Variants in PADI4 observed in about 807,000 individuals in gnomAD.
PADI4 encodes the protein peptidyl arginine deiminase 4.
Under a neutral mutation model 75.0 loss-of-function variants are expected in PADI4, and 62 were observed. The ratio of observed to expected loss-of-function variants is 0.83; its 90% CI spans 0.67 to 1.02. The LOEUF (loss-of-function observed/expected upper bound fraction) is 1.02. Among genes scored for constraint, PADI4 ranks in the 50% least tolerant of loss-of-function variants. The probability of loss-of-function intolerance (pLI) is 0.00; values close to 1 mark genes in which losing one functional copy is unlikely to be tolerated. For missense variants in PADI4, 845 were observed against 850.5 expected (o/e 0.99, Z 0.08); for synonymous variants, 361 against 348.1 (o/e 1.04, Z -0.41).
chr1:17,326,752 A>T (rs2100691141), intron 1 of PADI4, among the ~76,000 whole-genome samples: 1 of 152,302 alleles, frequency 6.6e-6, no homozygotes, highest in East Asian at 1.9e-4. Flanking sequence ...AACTTTGTTA[A>T]TTATGTTAGC....
chr1:17,344,577 G>A (rs1409192178), intron 8 of PADI4, among the ~76,000 whole-genome samples: 1 of 152,216 alleles, frequency 6.6e-6, no homozygotes, highest in East Asian at 1.9e-4. Flanking sequence ...GGGTCCCCAT[G>A]CTATGTGCAG....
chr1:17,318,624 T>G (rs2073980487), intron 1 of PADI4, among the ~76,000 whole-genome samples: 1 of 152,138 alleles, frequency 6.6e-6, no homozygotes. Flanking sequence ...GAATAAACAT[T>G]TTTATATTTT....
intron 4 of PADI4, 111 bp downstream of exon 4, chr1:17,336,337 T>TA (rs1390960654): frequency 8.4e-6 from 6 of 710,240 alleles, no homozygotes; most frequent in Non-Finnish European, 1.2e-5. Context: ...TGTTAACTGT[T>TA]AAAAAAAGAA....
chr1:17,348,813 C>G (rs891454914), intron 10 of PADI4: 2 of 152,218 alleles, frequency 1.3e-5, no homozygotes, highest in East Asian at 3.9e-4. Flanking sequence ...CGCCCTGCCT[C>G]CCTCTCCCTG....
chr1:17,331,813 G>T (rs1175649101), intron 2 of PADI4, among the ~76,000 whole-genome samples: 2 of 152,174 alleles, frequency 1.3e-5, no homozygotes, highest in East Asian at 1.9e-4. Flanking sequence ...AGCTACTCAG[G>T]AGGCTGAGGC....
chr1:17,349,660 G>A (rs2074584344), intron 10 of PADI4, among the ~76,000 whole-genome samples: 1 of 146,566 alleles, frequency 6.8e-6, no homozygotes, highest in Middle Eastern at 3.7e-3. Context: ...AGCCGAGATT[G>A]CACCACTGCA....
In PADI4 at chr1:17,356,438, C is replaced by G. The variant is rs1247200752; in HGVS notation, c.1537C>G (p.Leu513Val). ...EQQNEGHGEA[L>V]LFEGIKKKKQ... The stretch of plus-strand genomic sequence containing the variant: ...GCAGAATGAGGGCCACGGGGAGGCC[C>G]TGCTGTTCGAAGGGATCAAGAGTAA... Residue 513 changes from leucine (L) to valine (V), a missense_variant, in exon 13 of 16, where the codon CTG becomes GTG. Transcript: ENST00000375448. This position sits in a 1 kb window ranked among gnomAD's most constrained non-coding sequence, Gnocchi z 4.1. The G allele has an allele frequency of 6.2e-7, 1 of 1,611,042 alleles. No homozygotes were observed. Among genetic ancestry groups the G allele is most frequent in the South Asian group, 1.1e-5 (1 of 90,970 alleles).
rs563384038 is a variant in PADI4, at chr1:17,346,537, C to T, written c.1047+398C>T. On this transcript the variant is annotated intron_variant, in intron 9 of 15. Transcript: ENST00000375448. The surrounding 1 kb of genome is among the most constrained non-coding windows in gnomAD (Gnocchi z 4.3). The stretch of plus-strand genomic sequence containing the variant: ...CACTTTCCATGGCTCCCATCTCCTC[C>T]TGCTTAGTCTGTTTCCAGGCCCTCT... Among the ~76,000 whole-genome samples the T allele has an allele frequency of 6.6e-6, 1 of 152,326 alleles. No homozygotes were observed. The highest frequency in any genetic ancestry group is 2.1e-4 in the South Asian group (1 of 4,826).
At chr1:17,337,256 C>T (rs955530074) in intron 4 of PADI4, among the ~76,000 whole-genome samples, 1 of 152,206 alleles carries the variant, frequency 6.6e-6, no homozygotes, top group Non-Finnish European at 1.5e-5. Context: ...AGTGATTCTC[C>T]TACCTCAGCC....
At position 17,343,301 on chromosome 1, in the gene PADI4, G is replaced by A. The variant is rs553217241; in HGVS notation, c.935+899G>A. Among the ~76,000 whole-genome samples, 18 of 152,234 alleles carry A rather than the reference G, an allele frequency of 1.2e-4. 1 individual carries two copies. In the South Asian group the frequency reaches 3.3e-3, roughly 28 times the overall value. Reference sequence around the variant, plus strand: ...GCTGCTGGGTCTTATCCCTGAGGACGGGGCCCATCTGCATTTTGGGGAGGC... The same window carrying A: ...GCTGCTGGGTCTTATCCCTGAGGACAGGGCCCATCTGCATTTTGGGGAGGC... On this transcript the variant is annotated intron_variant, in intron 8 of 15. Transcript: ENST00000375448.
rs972071484 is a variant in PADI4, at chr1:17,310,816, A to G, written c.92+2502A>G. On this transcript the variant is annotated intron_variant, in intron 1 of 15. Coordinates refer to ENST00000375448, the MANE Select transcript of PADI4 (RefSeq NM_012387.3). ...TCTCTACTAAAAATACAAAAAAATT[A>G]GACGGGGCGCAATGGCTCACATCTG... 3.9e-5 allele frequency among the ~76,000 whole-genome samples: 6 copies of G among 152,212 alleles called. No homozygotes were observed. The South Asian group carries it at 1.2e-3, about 32-fold the overall frequency.
chr1:17,308,205 G>A lies in PADI4; in HGVS notation c.-18G>A. On this transcript the variant is annotated 5_prime_UTR_variant, in exon 1 of 16. Coordinates refer to ENST00000375448, the MANE Select transcript of PADI4 (RefSeq NM_012387.3). ...GCCCAGGGGCTTCCTACAGCCAGAG[G>A]GACGAGCTAGCCCGACGATGGCCCA... 2 of 1,611,474 alleles carry A rather than the reference G, an allele frequency of 1.2e-6. No individual in the cohort carries two copies. Among genetic ancestry groups the A allele is most frequent in the Non-Finnish European group, 1.7e-6 (2 of 1,177,854 alleles).
chr1:17,323,040 G>A (rs192743995), intron 1 of PADI4, among the ~76,000 whole-genome samples: 126 of 152,308 alleles, frequency 8.3e-4, no homozygotes, highest in Middle Eastern at 6.8e-3. Flanking sequence ...TGGTAGAGCC[G>A]TAGTCATGCT....
intron 1 of PADI4, among the ~76,000 whole-genome samples, chr1:17,329,806 G>A (rs185532079): frequency 5.4e-4 from 82 of 152,218 alleles, no homozygotes; most frequent in South Asian, 3.3e-3. Flanking sequence ...TAGATAATCC[G>A]ACTTTCCTTT....
chr1:17,344,552 C>A (rs922454838), intron 8 of PADI4, among the ~76,000 whole-genome samples: 1 of 152,222 alleles, frequency 6.6e-6, no homozygotes, highest in Non-Finnish European at 1.5e-5. Flanking sequence ...AAAATGGTTT[C>A]GTAGGCCAGG....
At position 17,328,264 on chromosome 1, in the gene PADI4, T is replaced by C. The variant is rs928044570; in HGVS notation, c.93-2705T>C. 4.0e-5 allele frequency among the ~76,000 whole-genome samples: 6 copies of C among 149,954 alleles called. No individual in the cohort carries two copies. In the East Asian group the frequency reaches 6.4e-4, roughly 16 times the overall value. On this transcript the variant is annotated intron_variant, in intron 1 of 15. Coordinates refer to ENST00000375448, the MANE Select transcript of PADI4 (RefSeq NM_012387.3). ...GTCTCAAACTCCTGGGTGCAAACAA[T>C]CCTCCTGCCTTTGCCTCCCAAAGCG...
At chr1:17,342,716 T>C (rs2074445672) in intron 8 of PADI4, among the ~76,000 whole-genome samples, 1 of 152,224 alleles carries the variant, frequency 6.6e-6, no homozygotes, top group Non-Finnish European at 1.5e-5. Flanking sequence ...GGCTCACGCC[T>C]GTAATCCTAG....
chr1:17,308,273 C>A lies in PADI4; in HGVS notation c.51C>A (p.Ala17=), dbSNP rs752860727. Residue 17 remains alanine (A), a synonymous_variant, in exon 1 of 16, where the codon GCC becomes GCA. Transcript: ENST00000375448. The part of the protein sequence containing the change: ...IRVTPEQPTH[A]VCVLGTLTQL... ...TGACCCCAGAGCAGCCCACCCATGC[C>A]GTGTGTGTGCTGGGCACCTTGACTC... is the stretch of plus-strand genomic sequence containing the variant. 1.2e-6 allele frequency: 2 copies of A among 1,614,084 alleles called. No individual in the cohort carries two copies. The highest frequency in any genetic ancestry group is 1.1e-5 in the South Asian group (1 of 91,082).
intron 8 of PADI4, among the ~76,000 whole-genome samples, chr1:17,342,607 G>A (rs774466614): frequency 2.0e-5 from 3 of 152,172 alleles, no homozygotes; most frequent in African/African-American, 7.2e-5. Flanking sequence ...CTGAGGCTAC[G>A]TTAACTCCCA....
Sources: allele counts gnomAD v4.1 joint callset (sites outside exome capture counted in the v4.1 genomes callset), GRCh38; gene constraint gnomAD v4.1.1; non-coding constraint Gnocchi (gnomAD v3.1); transcripts MANE v1.5; gene names NCBI Gene and HGNC (gene_info 2026-07-23, HGNC 2026-07-21).